MYO3B: variants seen among roughly 807,000 people sequenced by gnomAD.
MYO3B encodes myosin IIIB, also known as myosin-IIIb.
A neutral mutation model predicts 174.6 loss-of-function variants in MYO3B; 156 were observed. That is an observed-to-expected ratio of 0.89 (90% CI 0.78 to 1.02). The LOEUF (loss-of-function observed/expected upper bound fraction) is 1.02, where lower values mean the gene tolerates loss of function less well. Among genes scored for constraint, MYO3B ranks in the 50% least tolerant of loss-of-function variants. The pLI is 0.00. For synonymous variants in MYO3B, 563 were observed against 569.1 expected, an observed-to-expected ratio of 0.99 and a Z score of 0.15; for missense variants, 1,632 against 1,639.4, an observed-to-expected ratio of 1.00 and a Z score of 0.08.
chr2:170,296,612 C>T (rs547451460), intron 7 of MYO3B, among the ~76,000 whole-genome samples: 1 of 152,258 alleles, frequency 6.6e-6, no homozygotes, highest in South Asian at 2.1e-4. Flanking sequence ...TAAGCCCACT[C>T]TTTATTGCCC....
At chr2:170,392,767 G>A (rs2094420779) in intron 16 of MYO3B, among the ~76,000 whole-genome samples, 2 of 152,274 alleles carry the variant, frequency 1.3e-5, no homozygotes, top group Middle Eastern at 6.8e-3. Context: ...CATCAAACTA[G>A]GGGAGCACTG....
intron 1 of MYO3B, among the ~76,000 whole-genome samples, chr2:170,184,773 A>C (rs2092443069): frequency 6.6e-6 from 1 of 152,164 alleles, no homozygotes; most frequent in African/African-American, 2.4e-5. Context: ...ACTGTTCTCC[A>C]TAGTGATTGT....
chr2:170,390,820 A>T (rs1407386253), intron 14 of MYO3B, among the ~76,000 whole-genome samples: 1 of 152,152 alleles, frequency 6.6e-6, no homozygotes, highest in African/African-American at 2.4e-5. Context: ...ATGCAATGCA[A>T]ATTAATTATC....
At chr2:170,485,218 A>G (rs1685960147) in intron 25 of MYO3B, among the ~76,000 whole-genome samples, 1 of 152,164 alleles carries the variant, frequency 6.6e-6, no homozygotes, top group Non-Finnish European at 1.5e-5. Context: ...CCAATGTTTG[A>G]AGTCAATTTT....
intron 7 of MYO3B, among the ~76,000 whole-genome samples, chr2:170,262,156 A>G (rs936297032): frequency 6.6e-6 from 1 of 152,212 alleles, no homozygotes; most frequent in Admixed American, 6.5e-5. Flanking sequence ...GAGGCCTTGT[A>G]CCTCATTTAA....
Position 170,615,730 on chromosome 2 carries a change from T to C in MYO3B, c.3734-35898T>C, listed in dbSNP as rs117616172. 3.7e-3 allele frequency among the ~76,000 whole-genome samples: 557 copies of C among 152,172 alleles called. 25 individuals are homozygous for C. In the East Asian group the frequency reaches 0.087, roughly 24 times the overall value. On this transcript the variant is annotated intron_variant, in intron 32 of 34. Coordinates refer to ENST00000408978, the MANE Select transcript of MYO3B (RefSeq NM_138995.5). ...CTTTGTTCCCAGGTGTATTGGCAGG[T>C]TGAGAAATAATAGACACACACAAGA...
intron 32 of MYO3B, among the ~76,000 whole-genome samples, chr2:170,545,160 A>G (rs949627672): frequency 3.9e-5 from 6 of 152,154 alleles, no homozygotes; most frequent in Non-Finnish European, 4.4e-5. Context: ...TTTTAAATAG[A>G]TGTAATTCCT....
chr2:170,550,540 T>C (rs1690808933), intron 32 of MYO3B, among the ~76,000 whole-genome samples: 1 of 152,238 alleles, frequency 6.6e-6, no homozygotes, highest in Non-Finnish European at 1.5e-5. Flanking sequence ...GACACAACAT[T>C]GAATCAGAGA....
In MYO3B at chr2:170,387,102, A is replaced by C; in HGVS notation, c.1375-4A>C. 1 of 1,613,826 alleles carries C rather than the reference A, an allele frequency of 6.2e-7. No individual in the cohort carries two copies. Among genetic ancestry groups the C allele is most frequent in the South Asian group, 1.1e-5 (1 of 91,074 alleles). ...TCTTCTTGACCGTTCTCTGTTTGGC[A>C]CAGGCCAATAATCAGACCTTGAGAG... On this transcript the variant is annotated splice_region_variant and splice_polypyrimidine_tract_variant and intron_variant, in intron 13 of 34. Transcript: ENST00000408978.
chr2:170,197,403 C>T (rs923011072), intron 1 of MYO3B, among the ~76,000 whole-genome samples: 1 of 152,160 alleles, frequency 6.6e-6, no homozygotes, highest in African/African-American at 2.4e-5. Context: ...TATTTTGTTC[C>T]TTCACCATTT....
chr2:170,307,619 G>T (rs894532451), intron 7 of MYO3B, among the ~76,000 whole-genome samples: 1 of 152,130 alleles, frequency 6.6e-6, no homozygotes, highest in African/African-American at 2.4e-5. Context: ...CTCTGCCCAG[G>T]AAGTTTCTTT....
At chr2:170,352,560 G>A (rs2094083142) in intron 8 of MYO3B, among the ~76,000 whole-genome samples, 1 of 152,136 alleles carries the variant, frequency 6.6e-6, no homozygotes, top group African/African-American at 2.4e-5. Context: ...ATAAGCAGTG[G>A]TGTACTGGTA....
chr2:170,620,747 T>G (rs1249605425), intron 32 of MYO3B, among the ~76,000 whole-genome samples: 1 of 152,180 alleles, frequency 6.6e-6, no homozygotes, highest in East Asian at 1.9e-4. Context: ...AACCTTTCAG[T>G]CTCGTAACAG....
At chr2:170,189,221 T>G (rs184988529) in intron 1 of MYO3B, among the ~76,000 whole-genome samples, 2 of 152,296 alleles carry the variant, frequency 1.3e-5, no homozygotes, top group East Asian at 3.9e-4. Flanking sequence ...GTATGTAATT[T>G]GTCATTTCTC....
Position 170,326,795 on chromosome 2 carries a change from G to C in MYO3B, c.750-8590G>C, listed in dbSNP as rs116103473. Among the ~76,000 whole-genome samples the C allele has an allele frequency of 1.9e-3, 287 of 152,348 alleles. 2 individuals carry two copies. The highest frequency in any genetic ancestry group is 6.8e-3 in the African/African-American group (283 of 41,588). On this transcript the variant is annotated intron_variant, in intron 7 of 34. Coordinates refer to ENST00000408978, the MANE Select transcript of MYO3B (RefSeq NM_138995.5). ...GAGGTAGTGGTCAAGGATTAATAGA[G>C]CTTGGTGACACCCCCAAACCTCTGC...
intron 17 of MYO3B, among the ~76,000 whole-genome samples, chr2:170,401,258 CT>C (rs11448578): frequency 6.6e-6 from 1 of 152,074 alleles, no homozygotes; most frequent in East Asian, 1.9e-4. Flanking sequence ...CCTCCTCTTC[CT>C]TTTTTTTCAT....
At chr2:170,315,016 C>T (rs555238957) in intron 7 of MYO3B, among the ~76,000 whole-genome samples, 2 of 152,322 alleles carry the variant, frequency 1.3e-5, no homozygotes, top group South Asian at 2.1e-4. Context: ...TGGGTGATTA[C>T]GGACCCAATT....
intron 22 of MYO3B, among the ~76,000 whole-genome samples, chr2:170,443,385 A>T (rs573541647): frequency 1.3e-5 from 2 of 152,224 alleles, no homozygotes; most frequent in East Asian, 3.9e-4. Context: ...TAGATTCTGG[A>T]TATTAGCCCT....
intron 7 of MYO3B, among the ~76,000 whole-genome samples, chr2:170,287,412 A>C (rs1206111579): frequency 6.8e-6 from 1 of 147,222 alleles, no homozygotes; most frequent in African/African-American, 2.5e-5. Flanking sequence ...TTTTTTTTCC[A>C]TGTAAGCTAT....
Sources: gnomAD v4.1 joint callset for allele counts (sites outside exome capture counted in the v4.1 genomes callset) on GRCh38, gnomAD v4.1.1 for gene constraint, MANE v1.5 for transcripts, NCBI Gene and HGNC (gene_info 2026-07-23, HGNC 2026-07-21) for gene names.